GABRB2: variants seen among roughly 807,000 people sequenced by gnomAD.
The protein encoded by GABRB2 is gamma-aminobutyric acid receptor subunit beta-2.
GABRB2 carries 16 observed loss-of-function variants against 54.7 expected under a neutral mutation model. That is an observed-to-expected ratio of 0.29 (90% CI 0.20 to 0.44). GABRB2 has a LOEUF of 0.44. Ranked by LOEUF, GABRB2 falls within the 20% of genes least tolerant of loss-of-function variation. The probability of loss-of-function intolerance (pLI) is 1.00; values close to 1 mark genes in which losing one functional copy is unlikely to be tolerated. For missense variants in GABRB2, 355 were observed against 644.0 expected, an observed-to-expected ratio of 0.55 and a Z score of 4.86; for synonymous variants, 244 against 233.8, an observed-to-expected ratio of 1.04 and a Z score of -0.40.
At chr5:161,426,290 C>T (rs146480736) in intron 4 of GABRB2, among the ~76,000 whole-genome samples, 2 of 152,142 alleles carry the variant, frequency 1.3e-5, no homozygotes, top group South Asian at 2.1e-4. Context: ...AGACTCTCCC[C>T]AAAAAGCAAT....
intron 5 of GABRB2, among the ~76,000 whole-genome samples, chr5:161,402,135 A>T (rs1756215886): frequency 6.6e-6 from 1 of 151,902 alleles, no homozygotes; most frequent in African/African-American, 2.4e-5. Context: ...GTATTTAATG[A>T]TACAGCCTCA....
At chr5:161,417,992 A>C (rs942950702) in intron 4 of GABRB2, among the ~76,000 whole-genome samples, 3 of 152,192 alleles carry the variant, frequency 2.0e-5, no homozygotes, top group African/African-American at 7.2e-5. Flanking sequence ...TAAATCATGC[A>C]TTTCAGATTA....
intron 7 of GABRB2, among the ~76,000 whole-genome samples, chr5:161,331,604 T>C (rs529454509): frequency 3.3e-5 from 5 of 152,202 alleles, no homozygotes; most frequent in Middle Eastern, 6.8e-3. Context: ...AGAGCTTTTA[T>C]ATCAAGGTTG....
chr5:161,505,283 A>C (rs553789418), intron 3 of GABRB2, among the ~76,000 whole-genome samples: 1 of 152,020 alleles, frequency 6.6e-6, no homozygotes, highest in African/African-American at 2.4e-5. Context: ...GGCAGGTGCC[A>C]CCACGCCCGA....
intron 4 of GABRB2, chr5:161,459,136 T>G: frequency 6.0e-6 from 1 of 165,538 alleles, no homozygotes; most frequent in Admixed American, 5.8e-5. Context: ...ACATTTCCCA[T>G]TAATAAACAT....
rs141027655 is a variant in GABRB2, at chr5:161,513,026, G to A, written c.237+32201C>T. 3.0e-4 allele frequency among the ~76,000 whole-genome samples: 45 copies of A among 151,290 alleles called. 1 individual carries two copies. The East Asian group carries it at 7.4e-3, about 25-fold the overall frequency. ...GATACCATCACACACCAGTCAGAACGGCAATTATTGCAAAGATAAAAAGAA... is the reference window on the plus strand; with the variant it reads ...GATACCATCACACACCAGTCAGAACAGCAATTATTGCAAAGATAAAAAGAA... On this transcript the variant is annotated intron_variant, in intron 3 of 9. Transcript: ENST00000393959.
chr5:161,453,771 T>A (rs1230808555), intron 4 of GABRB2, among the ~76,000 whole-genome samples: 1 of 152,148 alleles, frequency 6.6e-6, no homozygotes, highest in Non-Finnish European at 1.5e-5. Flanking sequence ...GCATAGTGGC[T>A]CATGCCTGTA....
intron 4 of GABRB2, among the ~76,000 whole-genome samples, chr5:161,428,938 A>C (rs1465759489): frequency 6.6e-6 from 1 of 152,202 alleles, no homozygotes; most frequent in Non-Finnish European, 1.5e-5. Context: ...ACTGTTTGGC[A>C]TGGAAAAAGC....
At chr5:161,442,431 G>A (rs1449831824) in intron 4 of GABRB2, among the ~76,000 whole-genome samples, 1 of 152,170 alleles carries the variant, frequency 6.6e-6, no homozygotes, top group Admixed American at 6.5e-5. Context: ...CCAGGACACT[G>A]AAGCAGCCCT....
chr5:161,544,236 C>G (rs1294295009), intron 3 of GABRB2, among the ~76,000 whole-genome samples: 1 of 152,132 alleles, frequency 6.6e-6, no homozygotes, highest in Non-Finnish European at 1.5e-5. Flanking sequence ...AGAACTATGC[C>G]AAAACACAAC....
At chr5:161,345,669 T>TGGAAACCAA (rs1332692969) in intron 5 of GABRB2, among the ~76,000 whole-genome samples, 1 of 152,044 alleles carries the variant, frequency 6.6e-6, no homozygotes, top group South Asian at 2.1e-4. Context: ...TTCCTTAAGG[T>TGGAAACCAA]GGAATTGTTC....
intron 5 of GABRB2, among the ~76,000 whole-genome samples, chr5:161,343,595 C>T (rs920760689): frequency 3.3e-5 from 5 of 151,906 alleles, no homozygotes; most frequent in African/African-American, 9.7e-5. Context: ...AATTTTCTTA[C>T]GTATGTTTAG....
intron 4 of GABRB2, among the ~76,000 whole-genome samples, chr5:161,456,208 C>A (rs1757951387): frequency 6.6e-6 from 1 of 152,122 alleles, no homozygotes; most frequent in Non-Finnish European, 1.5e-5. Context: ...TTCATGGTTG[C>A]CCTTCAATAT....
intron 3 of GABRB2, among the ~76,000 whole-genome samples, chr5:161,469,018 C>A (rs2113291856): frequency 6.6e-6 from 1 of 151,832 alleles, no homozygotes; most frequent in South Asian, 2.1e-4. Flanking sequence ...TTTGAGAAGA[C>A]TACAAAACAA....
At chr5:161,486,878 T>C (rs1758940726) in intron 3 of GABRB2, among the ~76,000 whole-genome samples, 1 of 151,948 alleles carries the variant, frequency 6.6e-6, no homozygotes, top group Non-Finnish European at 1.5e-5. Context: ...TCATTGAACA[T>C]AGCTCATGTG....
At chr5:161,519,140 C>T (rs559173221) in intron 3 of GABRB2, among the ~76,000 whole-genome samples, 4 of 152,206 alleles carry the variant, frequency 2.6e-5, no homozygotes, top group South Asian at 2.1e-4. Context: ...TGCCCTTTAG[C>T]GCAAACTAGA....
At chr5:161,503,791 G>A (rs1006597896) in intron 3 of GABRB2, among the ~76,000 whole-genome samples, 2 of 151,192 alleles carry the variant, frequency 1.3e-5, no homozygotes, top group Non-Finnish European at 2.9e-5. Flanking sequence ...GACAAGAAAG[G>A]AAGACTCATT....
intron 9 of GABRB2, among the ~76,000 whole-genome samples, chr5:161,321,127 G>C (rs1036882034): frequency 6.6e-6 from 1 of 151,966 alleles, no homozygotes; most frequent in Non-Finnish European, 1.5e-5. Flanking sequence ...CTCTAGGTTG[G>C]CAATCTATGA....
chr5:161,354,068 A>G (rs1330250516), intron 5 of GABRB2, among the ~76,000 whole-genome samples: 1 of 152,046 alleles, frequency 6.6e-6, no homozygotes, highest in Admixed American at 6.6e-5. Context: ...GGTATTTAAG[A>G]CAGTAGCACT....
Sources: gnomAD v4.1 joint callset for allele counts (sites outside exome capture counted in the v4.1 genomes callset) on GRCh38, gnomAD v4.1.1 for gene constraint, MANE v1.5 for transcripts, NCBI Gene and HGNC (gene_info 2026-07-23, HGNC 2026-07-21) for gene names.